The following SFMBT2 variants were observed in gnomAD, a reference collection of about 807,000 sequenced individuals.
SFMBT2 encodes the protein Scm like with four mbt domains 2.
In SFMBT2, 38 loss-of-function variants were observed where a neutral mutation model predicts 110.1. The observed-to-expected ratio is 0.35, with a 90% CI of 0.27 to 0.45. SFMBT2 has a LOEUF of 0.45. SFMBT2 is among the 20% of genes least tolerant of loss of function. SFMBT2 has a pLI of 1.00. For missense variants in SFMBT2, 1,011 were observed against 1,094.9 expected (o/e 0.92, Z 1.08); for synonymous variants, 425 against 425.4 (o/e 1.00, Z 0.01).
chr10:7,279,026 T>C (rs1841864373), intron 6 of SFMBT2, among the ~76,000 whole-genome samples: 1 of 150,776 alleles, frequency 6.6e-6, no homozygotes, highest in Non-Finnish European at 1.5e-5. Context: ...GCTTGAACCC[T>C]GGAGGCGGAG....
intron 13 of SFMBT2, among the ~76,000 whole-genome samples, chr10:7,201,913 T>C (rs975072299): frequency 3.2e-4 from 49 of 152,190 alleles, no homozygotes; most frequent in African/African-American, 1.2e-3. Flanking sequence ...GCCTACAACT[T>C]AAGGCCTACA....
intron 7 of SFMBT2, among the ~76,000 whole-genome samples, chr10:7,257,098 AAGGGG>A (rs71382096): frequency 0.42 from 31,569 of 74,854 alleles, 5,593 homozygotes; most frequent in South Asian, 0.59. Flanking sequence ...TTGGAAAGGG[AAGGGG>A]AGGGGAGGGG....
At position 7,245,035 on chromosome 10, in the gene SFMBT2, A is replaced by G. The variant is rs367724117; in HGVS notation, c.973-1330T>C. On this transcript the variant is annotated intron_variant, in intron 8 of 20. Transcript: ENST00000397167. The stretch of plus-strand genomic sequence containing the variant: ...TGGACTCCACTGGACAGTCCTGAAA[A>G]CTGATGCACGGCGATCTGGCTCAGG... Among the ~76,000 whole-genome samples, 7 of 152,124 alleles carry G rather than the reference A, an allele frequency of 4.6e-5. No homozygotes were observed. The East Asian group carries it at 1.4e-3, about 29-fold the overall frequency.
intron 9 of SFMBT2, 72 bp from the exon 10 acceptor site, chr10:7,228,009 G>A: frequency 8.7e-7 from 1 of 1,152,428 alleles, no homozygotes; most frequent in Non-Finnish European, 1.2e-6. Context: ...AAAATCAGAA[G>A]GGGTGAAAGT....
rs745483909 is a variant in SFMBT2, at chr10:7,315,181, T to C, written c.437-29227A>G. 5.3e-5 allele frequency among the ~76,000 whole-genome samples: 8 copies of C among 152,174 alleles called. No homozygotes were observed. In the East Asian group the frequency reaches 1.4e-3, roughly 26 times the overall value. On this transcript the variant is annotated intron_variant, in intron 4 of 20. Coordinates refer to ENST00000397167, the MANE Select transcript of SFMBT2 (RefSeq NM_001387889.1). ...CGTCACGATCCCCTGTGAGGGTCCATTGTGTGTGTCAATGTGCCTGGCCAT... is the reference window on the plus strand; with the variant it reads ...CGTCACGATCCCCTGTGAGGGTCCACTGTGTGTGTCAATGTGCCTGGCCAT...
At position 7,202,133 on chromosome 10, in the gene SFMBT2, C is replaced by T. The variant is rs995366381; in HGVS notation, c.1487+347G>A. On this transcript the variant is annotated intron_variant, in intron 13 of 20. Transcript: ENST00000397167. Reference sequence around the variant, plus strand: ...GCATTCTGAGTGTGGTGAGGGGCTGCGACTCGAAACTGCACCTGCCACGTG... The same window carrying T: ...GCATTCTGAGTGTGGTGAGGGGCTGTGACTCGAAACTGCACCTGCCACGTG... 9.2e-5 allele frequency among the ~76,000 whole-genome samples: 14 copies of T among 152,142 alleles called. No homozygotes were observed. In the South Asian group the frequency reaches 1.4e-3, roughly 16 times the overall value.
At chr10:7,187,546 G>A (rs1838456050) in intron 16 of SFMBT2, among the ~76,000 whole-genome samples, 1 of 152,092 alleles carries the variant, frequency 6.6e-6, no homozygotes, top group Admixed American at 6.5e-5. Context: ...TGGTGATTTG[G>A]CAGATTATGA....
In SFMBT2 at chr10:7,171,663, C is replaced by G. The variant is rs1442621767; in HGVS notation, c.2415+232G>C. 1.2e-6 allele frequency: 1 copy of G among 830,684 alleles called. No individual in the cohort carries two copies. The highest frequency in any genetic ancestry group is 5.5e-5 in the South Asian group (1 of 18,140). The allele number at this position is 830,684 out of a possible 1,614,324, so 51.5% of individuals were successfully genotyped here. On this transcript the variant is annotated intron_variant, in intron 19 of 20. Coordinates refer to ENST00000397167, the MANE Select transcript of SFMBT2 (RefSeq NM_001387889.1). This position sits in a 1 kb window ranked among gnomAD's most constrained non-coding sequence, Gnocchi z 4.9. ...ACAAGAACCCAGGTGGCACTAAAGC[C>G]GTCCAGGAAAGAGGCGCTGTCTCCA...
chr10:7,180,974 G>A (rs1002115529), intron 16 of SFMBT2, among the ~76,000 whole-genome samples: 2 of 152,114 alleles, frequency 1.3e-5, no homozygotes, highest in Non-Finnish European at 2.9e-5. Context: ...GGTGAACACA[G>A]CAGGCCTGAG....
intron 4 of SFMBT2, among the ~76,000 whole-genome samples, chr10:7,363,362 T>G (rs953180643): frequency 2.6e-5 from 4 of 152,144 alleles, no homozygotes; most frequent in African/African-American, 4.8e-5. Context: ...CTCTTTTTTT[T>G]TTTTTAGATG....
At chr10:7,389,153 A>G (rs1402756980) in intron 1 of SFMBT2, among the ~76,000 whole-genome samples, 4 of 152,228 alleles carry the variant, frequency 2.6e-5, no homozygotes, top group Non-Finnish European at 5.9e-5. Context: ...CTGTGGAAAC[A>G]GATAATTCTT....
At chr10:7,200,937 TA>T in intron 13 of SFMBT2, 8 of 751,678 alleles carry the variant, frequency 1.1e-5, no homozygotes, top group Non-Finnish European at 1.3e-5. Context: ...ATGGCCACAC[TA>T]AAAATAAGGC....
At chr10:7,366,394 G>A (rs1273848262) in intron 4 of SFMBT2, among the ~76,000 whole-genome samples, 1 of 149,560 alleles carries the variant, frequency 6.7e-6, no homozygotes, top group African/African-American at 2.5e-5. Flanking sequence ...AAAAACCACA[G>A]GCTATTCCAA....
At chr10:7,361,004 C>A (rs1477549258) in intron 4 of SFMBT2, among the ~76,000 whole-genome samples, 1 of 152,126 alleles carries the variant, frequency 6.6e-6, no homozygotes, top group Non-Finnish European at 1.5e-5. Flanking sequence ...AATAAAATAT[C>A]TAACTATGAC....
rs1846280149 is a variant in SFMBT2 at position 7,408,397 on chromosome 10, T to C, written c.-52+2464A>G. Among the ~76,000 whole-genome samples the C allele has an allele frequency of 6.6e-6, 1 of 152,206 alleles. No homozygotes were observed. The highest frequency in any genetic ancestry group is 1.5e-5 in the Non-Finnish European group (1 of 68,012). The stretch of plus-strand genomic sequence containing the variant: ...ACCCACTGACAGCACGGCGTCCGAG[T>C]GACCCTGTCTAGCCTCGTTCTGCGC... On this transcript the variant is annotated intron_variant, in intron 1 of 20. Coordinates refer to ENST00000397167, the MANE Select transcript of SFMBT2 (RefSeq NM_001387889.1). The surrounding 1 kb of genome is among the most constrained non-coding windows in gnomAD (Gnocchi z 5.7).
Position 7,214,643 on chromosome 10 carries a change from C to T in SFMBT2, c.1330+5768G>A, listed in dbSNP as rs371892096. On this transcript the variant is annotated intron_variant, in intron 11 of 20. Transcript: ENST00000397167. ...ACACACGTAGCGGACCTGCCTTGCA[C>T]GTAAGTGCTGTGCTTGTCAGTGTGG... 68 of 985,476 alleles carry T rather than the reference C, an allele frequency of 6.9e-5. No homozygotes were observed. In the East Asian group the frequency reaches 9.1e-4, roughly 13 times the overall value. 61.0% of individuals were successfully genotyped at this position (985,476 alleles called of 1,614,324 possible). A position where few individuals can be genotyped will look rare whatever the true frequency, so the allele number is the denominator to read the frequency against.
intron 4 of SFMBT2, among the ~76,000 whole-genome samples, chr10:7,347,557 G>T (rs1281195357): frequency 6.6e-6 from 1 of 152,174 alleles, no homozygotes; most frequent in African/African-American, 2.4e-5. Context: ...CCGCAAAAAT[G>T]ACCAAATCTC....
Position 7,171,099 on chromosome 10 carries a change from G to C in SFMBT2, c.2416-43C>G. 1 of 1,612,742 alleles carries C rather than the reference G, an allele frequency of 6.2e-7. No individual in the cohort carries two copies. The highest frequency in any genetic ancestry group is 8.5e-7 in the Non-Finnish European group (1 of 1,179,564). On this transcript the variant is annotated intron_variant, in intron 19 of 20. Transcript: ENST00000397167. This position sits in a 1 kb window ranked among gnomAD's most constrained non-coding sequence, Gnocchi z 4.9. ...GAGGAGCTCAGCTGCGGCACAGTCAGCTGGCTGGGTCCTCTCCAGCACTCT... is the reference window on the plus strand; with the variant it reads ...GAGGAGCTCAGCTGCGGCACAGTCACCTGGCTGGGTCCTCTCCAGCACTCT...
rs1387178392 is a variant in SFMBT2, at chr10:7,359,463, C to G, written c.436+8186G>C. On this transcript the variant is annotated intron_variant, in intron 4 of 20. Coordinates refer to ENST00000397167, the MANE Select transcript of SFMBT2 (RefSeq NM_001387889.1). Reference sequence around the variant, plus strand: ...ACGAGGCCATGGAAACACACAGCACCAACTCCCCCCTCGAATTCCACTCAG... The same window carrying G: ...ACGAGGCCATGGAAACACACAGCACGAACTCCCCCCTCGAATTCCACTCAG... Among the ~76,000 whole-genome samples, 3 of 152,200 alleles carry G rather than the reference C, an allele frequency of 2.0e-5. No individual in the cohort carries two copies. The South Asian group carries it at 6.2e-4, about 32-fold the overall frequency.
Sources: gnomAD v4.1 joint callset for allele counts (sites outside exome capture counted in the v4.1 genomes callset) on GRCh38, gnomAD v4.1.1 for gene constraint, Gnocchi (gnomAD v3.1) non-coding constraint, MANE v1.5 for transcripts, NCBI Gene and HGNC (gene_info 2026-07-23, HGNC 2026-07-21) for gene names.